The following DCLK1 variants were observed in gnomAD, a reference collection of about 807,000 sequenced individuals.
DCLK1 encodes serine/threonine-protein kinase DCLK1.
DCLK1 carries 16 observed loss-of-function variants against 86.2 expected under a neutral mutation model. The observed-to-expected ratio is 0.19, with a 90% CI of 0.13 to 0.28. DCLK1 has a LOEUF of 0.28. Ranked by LOEUF, DCLK1 falls within the 10% of genes least tolerant of loss-of-function variation. DCLK1 has a pLI of 1.00. For synonymous variants in DCLK1, 369 were observed against 370.5 expected (o/e 1.00, Z 0.05); for missense variants, 590 against 940.2 (o/e 0.63, Z 4.87).
intron 3 of DCLK1, among the ~76,000 whole-genome samples, chr13:36,023,250 C>T (rs1013676669): frequency 3.3e-5 from 5 of 152,174 alleles, no homozygotes; most frequent in Admixed American, 2.0e-4. Flanking sequence ...CATGTGATTA[C>T]GGAGACTGGC....
intron 3 of DCLK1, among the ~76,000 whole-genome samples, chr13:36,095,980 A>C (rs1207326921): frequency 6.6e-6 from 1 of 152,208 alleles, no homozygotes; most frequent in Non-Finnish European, 1.5e-5. Context: ...ATTTTATTTA[A>C]TTTCAATTTA....
At chr13:36,066,086 A>G (rs1201833461) in intron 3 of DCLK1, among the ~76,000 whole-genome samples, 1 of 152,230 alleles carries the variant, frequency 6.6e-6, no homozygotes, top group East Asian at 1.9e-4. Flanking sequence ...TCTAATTTAA[A>G]TAGCATTTTA....
intron 3 of DCLK1, among the ~76,000 whole-genome samples, chr13:36,013,836 G>T (rs186813880): frequency 2.6e-5 from 4 of 152,110 alleles, no homozygotes; most frequent in African/African-American, 4.8e-5. Flanking sequence ...CCTCTCTGCC[G>T]CCTTGCAGTT....
At chr13:36,056,655 C>A (rs1293874351) in intron 3 of DCLK1, among the ~76,000 whole-genome samples, 35 of 121,020 alleles carry the variant, frequency 2.9e-4, no homozygotes, top group South Asian at 1.5e-3. Flanking sequence ...TTCCAGAGCA[C>A]ACAAAAAAAA....
intron 4 of DCLK1, among the ~76,000 whole-genome samples, chr13:35,911,014 C>T (rs7321071): frequency 0.34 from 51,978 of 151,246 alleles, 9,872 homozygotes; most frequent in African/African-American, 0.49. Context: ...CCAGGCATGG[C>T]GGCTGATGCC....
At chr13:35,897,420 A>G (rs1874071120) in intron 4 of DCLK1, among the ~76,000 whole-genome samples, 2 of 152,110 alleles carry the variant, frequency 1.3e-5, no homozygotes, top group Admixed American at 6.6e-5. Flanking sequence ...GTGAGGTAAG[A>G]CTGGCTGGAT....
chr13:35,949,683 TC>T (rs986825831), intron 3 of DCLK1, among the ~76,000 whole-genome samples: 1 of 152,196 alleles, frequency 6.6e-6, no homozygotes, highest in Non-Finnish European at 1.5e-5. Flanking sequence ...TCACGCCACT[TC>T]TATGTGGAAA....
chr13:35,803,558 G>T (rs1228483498), intron 15 of DCLK1, among the ~76,000 whole-genome samples: 3 of 152,140 alleles, frequency 2.0e-5, no homozygotes, highest in Admixed American at 1.3e-4. Flanking sequence ...GGAGTGTGAA[G>T]AATCACATTC....
intron 4 of DCLK1, among the ~76,000 whole-genome samples, chr13:35,936,664 C>G (rs1006745206): frequency 6.6e-6 from 1 of 152,120 alleles, no homozygotes; most frequent in African/African-American, 2.4e-5. Context: ...TGACTTTCAC[C>G]CGAGAGCCTC....
intron 4 of DCLK1, among the ~76,000 whole-genome samples, chr13:35,907,268 G>T (rs1013982805): frequency 2.0e-5 from 3 of 152,116 alleles, no homozygotes; most frequent in African/African-American, 7.2e-5. Flanking sequence ...ACTCAAGTGA[G>T]CCTCCCACCT....
In DCLK1 at chr13:35,919,134, C is replaced by T. The variant is rs182046448; in HGVS notation, c.823+28224G>A. 1.9e-3 allele frequency among the ~76,000 whole-genome samples: 289 copies of T among 152,088 alleles called. 4 individuals carry two copies. The highest frequency in any genetic ancestry group is 3.5e-3 in the Non-Finnish European group (236 of 67,986). ...CTCGAACTCCTGACCTCAAGTGATCCGCCTGCCTCAGCCTCCCAAAGTGCT... is the reference window on the plus strand; with the variant it reads ...CTCGAACTCCTGACCTCAAGTGATCTGCCTGCCTCAGCCTCCCAAAGTGCT... On this transcript the variant is annotated intron_variant, in intron 4 of 16. Coordinates refer to ENST00000360631, the MANE Select transcript of DCLK1 (RefSeq NM_001330071.2).
At chr13:36,023,014 A>G (rs1441158103) in intron 3 of DCLK1, among the ~76,000 whole-genome samples, 1 of 152,224 alleles carries the variant, frequency 6.6e-6, no homozygotes, top group Non-Finnish European at 1.5e-5. Flanking sequence ...ATACTAGAAA[A>G]CTGAGTTGAG....
At chr13:36,057,560 G>A (rs1459897916) in intron 3 of DCLK1, among the ~76,000 whole-genome samples, 1 of 152,182 alleles carries the variant, frequency 6.6e-6, no homozygotes, top group African/African-American at 2.4e-5. Flanking sequence ...AGTTTTGCTT[G>A]TTAATAATAC....
intron 2 of DCLK1, among the ~76,000 whole-genome samples, chr13:36,113,367 C>T (rs944907981): frequency 6.6e-6 from 1 of 152,206 alleles, no homozygotes; most frequent in Non-Finnish European, 1.5e-5. Context: ...AATGTGTATA[C>T]ATACACATTA....
intron 6 of DCLK1, among the ~76,000 whole-genome samples, chr13:35,845,031 T>G (rs1028719416): frequency 6.6e-6 from 1 of 152,162 alleles, no homozygotes; most frequent in Non-Finnish European, 1.5e-5. Flanking sequence ...GTGGATCACT[T>G]GAGGTCAGGA....
intron 3 of DCLK1, among the ~76,000 whole-genome samples, chr13:36,012,119 G>A (rs1593816029): frequency 1.4e-5 from 2 of 139,332 alleles, no homozygotes; most frequent in East Asian, 2.1e-4. Context: ...GCCTATGTGT[G>A]TCTCTGCACG....
At chr13:35,964,608 A>G (rs1302769780) in intron 3 of DCLK1, among the ~76,000 whole-genome samples, 1 of 152,200 alleles carries the variant, frequency 6.6e-6, no homozygotes, top group Non-Finnish European at 1.5e-5. Context: ...GCTAGAACAT[A>G]CTTTTTATTT....
At position 35,782,410 on chromosome 13, in the gene DCLK1, A is replaced by C. The variant is rs190188004; in HGVS notation, c.2059-7711T>G. ...TTGTTCTCCATCATATCAGTAAACT[A>C]AACATGAACCAAAAGCACAGTCTGC... On this transcript the variant is annotated intron_variant, in intron 16 of 16. Transcript: ENST00000360631. 4.6e-5 allele frequency among the ~76,000 whole-genome samples: 7 copies of C among 152,312 alleles called. No homozygotes were observed. The East Asian group carries it at 1.2e-3, about 25-fold the overall frequency.
intron 15 of DCLK1, among the ~76,000 whole-genome samples, chr13:35,798,039 C>G (rs1347665594): frequency 1.3e-5 from 2 of 152,196 alleles, no homozygotes; most frequent in East Asian, 3.9e-4. Flanking sequence ...TCGACACAGG[C>G]TGGTTGTGGT....
Sources: gnomAD v4.1 joint callset for allele counts (sites outside exome capture counted in the v4.1 genomes callset) on GRCh38, gnomAD v4.1.1 for gene constraint, MANE v1.5 for transcripts, NCBI Gene and HGNC (gene_info 2026-07-23, HGNC 2026-07-21) for gene names.